A1CF: variants seen among roughly 807,000 people sequenced by gnomAD.
A1CF encodes the protein APOBEC1 complementation factor.
Under a neutral mutation model 68.9 loss-of-function variants are expected in A1CF, and 48 were observed. The ratio of observed to expected loss-of-function variants is 0.70; its 90% CI spans 0.55 to 0.89. The LOEUF is 0.89. A1CF is among the 40% of genes least tolerant of loss of function. A1CF has a pLI of 0.00. For synonymous variants in A1CF, 272 were observed against 260.4 expected, an observed-to-expected ratio of 1.04 and a Z score of -0.43; for missense variants, 653 against 718.9, an observed-to-expected ratio of 0.91 and a Z score of 1.05.
At chr10:50,871,291 A>G (rs1328147230) in intron 1 of A1CF, among the ~76,000 whole-genome samples, 2 of 151,914 alleles carry the variant, frequency 1.3e-5, no homozygotes, top group African/African-American at 2.4e-5. Context: ...GGTCTAAACA[A>G]TAGAATAAAA....
intron 7 of A1CF, among the ~76,000 whole-genome samples, chr10:50,822,368 C>T (rs1327256402): frequency 6.6e-6 from 1 of 152,102 alleles, no homozygotes; most frequent in African/African-American, 2.4e-5. Context: ...CTTGAGAGTG[C>T]CGGGAGACAA....
At chr10:50,849,889 C>G (rs10994708) in intron 3 of A1CF, among the ~76,000 whole-genome samples, 7,510 of 144,580 alleles carry the variant, frequency 0.052, 612 homozygotes, top group African/African-American at 0.17. Flanking sequence ...CGCCTCCTGG[C>G]TTCACGCTAT....
intron 6 of A1CF, among the ~76,000 whole-genome samples, chr10:50,835,440 G>A (rs1380341719): frequency 1.3e-5 from 2 of 152,102 alleles, no homozygotes; most frequent in Non-Finnish European, 2.9e-5. Context: ...TGTAGAAAAT[G>A]TTTTAGAATG....
chr10:50,878,950 G>A (rs2132621319), intron 1 of A1CF, among the ~76,000 whole-genome samples: 1 of 152,272 alleles, frequency 6.6e-6, no homozygotes, highest in South Asian at 2.1e-4. Flanking sequence ...TCACCCCCAA[G>A]TTACTTGTGA....
chr10:50,881,275 C>T (rs1439514657), intron 1 of A1CF, among the ~76,000 whole-genome samples: 3 of 152,206 alleles, frequency 2.0e-5, no homozygotes, highest in Non-Finnish European at 2.9e-5. Context: ...AGGCGTGAGC[C>T]ACTGCGCCCG....
At chr10:50,848,037 C>G (rs1589015644) in intron 3 of A1CF, among the ~76,000 whole-genome samples, 1 of 152,144 alleles carries the variant, frequency 6.6e-6, no homozygotes, top group African/African-American at 2.4e-5. Context: ...AAAACAACAA[C>G]TATCTCCAAT....
chr10:50,867,477 C>T (rs1467836545), intron 1 of A1CF, among the ~76,000 whole-genome samples: 1 of 152,044 alleles, frequency 6.6e-6, no homozygotes, highest in African/African-American at 2.4e-5. Context: ...ATGGGAGCTA[C>T]ATAATGTGTA....
chr10:50,836,308 C>A lies in A1CF; in HGVS notation c.370G>T (p.Gly124Trp), dbSNP rs539075515. Residue 124 changes from glycine (G) to tryptophan (W), a missense_variant, in exon 6 of 13, where the codon GGG becomes TGG. Physicochemically the swap from Gly to Trp is radical, Grantham distance 184 (BLOSUM62 -2). Coordinates refer to ENST00000373997, the MANE Select transcript of A1CF (RefSeq NM_014576.4). Reference sequence around the variant, plus strand: ...CTGGCACAAACCCCTAAGAGGCGCCCATTTCTGCAAAAAGAGCAGGGATTT... The same window carrying A: ...CTGGCACAAACCCCTAAGAGGCGCCAATTTCTGCAAAAAGAGCAGGGATTT... ...KQLNNYEIRN[G>W]RLLGVCASVD... is the part of the protein sequence containing the mutation. 32 of 1,606,246 alleles carry A rather than the reference C, an allele frequency of 2.0e-5. No individual in the cohort carries two copies. Among genetic ancestry groups the A allele is most frequent in the Non-Finnish European group, 4.2e-6 (5 of 1,177,750 alleles).
intron 1 of A1CF, among the ~76,000 whole-genome samples, chr10:50,868,926 G>A (rs1162407815): frequency 6.6e-6 from 1 of 152,252 alleles, no homozygotes; most frequent in East Asian, 1.9e-4. Flanking sequence ...ATAAGTGGGA[G>A]CTAAATGATG....
chr10:50,820,428 G>T, intron 8 of A1CF, 124 bp downstream of exon 8: 1 of 697,568 alleles, frequency 1.4e-6, no homozygotes, highest in South Asian at 2.1e-5. Context: ...CATCTTAAAT[G>T]GACTGAGGCA....
chr10:50,840,470 C>G (rs910774031), intron 5 of A1CF, among the ~76,000 whole-genome samples: 1 of 152,172 alleles, frequency 6.6e-6, no homozygotes, highest in Admixed American at 6.5e-5. Context: ...AACTATTGCT[C>G]TTTAACTGCT....
chr10:50,809,809 A>G, intron 12 of A1CF, 85 bp downstream of exon 12: 1 of 1,570,156 alleles, frequency 6.4e-7, no homozygotes, highest in South Asian at 1.2e-5. Context: ...AGGGTACACA[A>G]ACATTTCTGT....
At chr10:50,876,374 C>G (rs772834741) in intron 1 of A1CF, among the ~76,000 whole-genome samples, 13 of 152,162 alleles carry the variant, frequency 8.5e-5, no homozygotes, top group Non-Finnish European at 1.6e-4. Flanking sequence ...ATCAGAAACT[C>G]AGAAACAGGA....
Position 50,836,110 on chromosome 10 carries a change from G to A in A1CF, c.568C>T (p.Arg190Ter), listed in dbSNP as rs1225833804. ...TTCCTCCTCGCCATGGCAGCTGCTCGATGACTCTCATACTCCACGAAGGCA... is the reference window on the plus strand; with the variant it reads ...TTCCTCCTCGCCATGGCAGCTGCTCAATGACTCTCATACTCCACGAAGGCA... ...GFAFVEYESHRAAAMARRKLL... is the reference protein window; with the variant it reads ...GFAFVEYESH Residue 190 changes from arginine to a stop codon, truncating the protein, a stop_gained, in exon 6 of 13, where the codon CGA (arginine) becomes TGA (stop). Coordinates refer to ENST00000373997, the MANE Select transcript of A1CF (RefSeq NM_014576.4). LOFTEE classifies it high-confidence loss of function. 4 of 1,612,776 alleles carry A rather than the reference G, an allele frequency of 2.5e-6. No individual in the cohort carries two copies. The highest frequency in any genetic ancestry group is 2.2e-5 in the East Asian group (1 of 44,808).
At chr10:50,846,482 C>CAACAATTTGA in intron 3 of A1CF, among the ~76,000 whole-genome samples, 1 of 152,250 alleles carries the variant, frequency 6.6e-6, no homozygotes, top group African/African-American at 2.4e-5. Context: ...TCTTTGATGT[C>CAACAATTTGA]TGTAACATTC....
chr10:50,815,855 A>G (rs1431787026), intron 9 of A1CF, 151 bp downstream of exon 9: 1 of 917,460 alleles, frequency 1.1e-6, no homozygotes, highest in East Asian at 2.7e-5. Context: ...ATTCCTATTA[A>G]AGGAAAACTA....
chr10:50,862,484 A>G (rs1354700978), intron 2 of A1CF, among the ~76,000 whole-genome samples: 1 of 152,132 alleles, frequency 6.6e-6, no homozygotes, highest in African/African-American at 2.4e-5. Context: ...ATAAACATGG[A>G]TATTCTTGCC....
intron 7 of A1CF, chr10:50,822,934 G>A (rs1838746958): frequency 6.6e-6 from 1 of 152,040 alleles, no homozygotes; most frequent in Admixed American, 6.6e-5. Flanking sequence ...GAGACTTCTT[G>A]GTATCATCTT....
chr10:50,867,315 A>G (rs1841039369), intron 1 of A1CF, among the ~76,000 whole-genome samples: 1 of 152,004 alleles, frequency 6.6e-6, no homozygotes, highest in Admixed American at 6.5e-5. Context: ...ATATAATATT[A>G]TATATGTATA....
Sources: gnomAD v4.1 joint callset for allele counts (sites outside exome capture counted in the v4.1 genomes callset) on GRCh38, gnomAD v4.1.1 for gene constraint, MANE v1.5 for transcripts, NCBI Gene and HGNC (gene_info 2026-07-23, HGNC 2026-07-21) for gene names.